MAP2K5: variants seen among roughly 807,000 people sequenced by gnomAD.
MAP2K5 encodes mitogen-activated protein kinase kinase 5.
In MAP2K5, 49 loss-of-function variants were observed where a neutral mutation model predicts 83.1. The observed-to-expected ratio is 0.59, with a 90% CI of 0.47 to 0.75. The LOEUF (loss-of-function observed/expected upper bound fraction) is 0.75. Among genes scored for constraint, MAP2K5 ranks in the 30% least tolerant of loss-of-function variants. The pLI is 0.00. For synonymous variants in MAP2K5, 202 were observed against 191.8 expected, an observed-to-expected ratio of 1.05 and a Z score of -0.44; for missense variants, 457 against 557.5, an observed-to-expected ratio of 0.82 and a Z score of 1.82.
In MAP2K5 at chr15:67,738,885, C is replaced by G. The variant is rs1310846117; in HGVS notation, c.1075-9346C>G. 6.6e-6 allele frequency among the ~76,000 whole-genome samples: 1 copy of G among 152,330 alleles called. No homozygotes were observed. Among genetic ancestry groups the G allele is most frequent in the East Asian group, 1.9e-4 (1 of 5,178 alleles). On this transcript the variant is annotated intron_variant, in intron 17 of 21. Transcript: ENST00000178640. The surrounding 1 kb of genome is among the most constrained non-coding windows in gnomAD (Gnocchi z 4.1). ...CCTGTCCACACCTTCAGCCCTCTTG[C>G]TCATCACCATCTCCCTCCGATTACT...
rs1275788512 is a variant in MAP2K5, at chr15:67,637,131, G to A, written c.585+6204G>A. On this transcript the variant is annotated intron_variant, in intron 9 of 21. Coordinates refer to ENST00000178640, the MANE Select transcript of MAP2K5 (RefSeq NM_145160.3). This position sits in a 1 kb window ranked among gnomAD's most constrained non-coding sequence, Gnocchi z 4.5. ...TCAGCTACAGACTGAAGGCTGCACT[G>A]TTGGCTTCCCTACTTTTGAGGTTTT... is the stretch of plus-strand genomic sequence containing the variant. Among the ~76,000 whole-genome samples, 1 of 152,132 alleles carries A rather than the reference G, an allele frequency of 6.6e-6. No individual in the cohort carries two copies. The highest frequency in any genetic ancestry group is 6.5e-5 in the Admixed American group (1 of 15,276).
Position 67,543,248 on chromosome 15 carries a change from C to G in MAP2K5, c.-88C>G, listed in dbSNP as rs2084330054. On this transcript the variant is annotated 5_prime_UTR_variant, in exon 1 of 22. Coordinates refer to ENST00000178640, the MANE Select transcript of MAP2K5 (RefSeq NM_145160.3). The surrounding 1 kb of genome is among the most constrained non-coding windows in gnomAD (Gnocchi z 4.3). ...TTTTCACCCTCTGTCCTCTGCCCGT[C>G]ACTCCCCTTGTCACCTCTTGGAGCC... 7.3e-7 allele frequency: 1 copy of G among 1,375,200 alleles called. No individual in the cohort carries two copies. The highest frequency in any genetic ancestry group is 1.0e-6 in the Non-Finnish European group (1 of 971,776). 85.2% of individuals were successfully genotyped at this position (1,375,200 alleles called of 1,614,324 possible).
Position 67,806,673 on chromosome 15 carries a change from G to A in MAP2K5, c.1270G>A (p.Asp424Asn), listed in dbSNP as rs374645558. Residue 424 changes from aspartate (D) to asparagine (N), a missense_variant, in exon 22 of 22, where the codon GAT (aspartate) becomes AAT (asparagine). Around this residue, in one of 3 missense-constraint regions of MAP2K5, gnomAD observed 55 missense variants for 50.9 expected, o/e 1.08. Transcript: ENST00000178640. ...MGHPFIVQFN[D>N]GNAAVVSMWV... ...CCACCCGTTCATCGTGCAGTTCAAT[G>A]ATGGAAATGCCGCCGTGGTGTCCAT... 7.1e-6 allele frequency: 11 copies of A among 1,551,342 alleles called. No homozygotes were observed. The highest frequency in any genetic ancestry group is 9.6e-6 in the Non-Finnish European group (11 of 1,147,202).
chr15:67,570,310 A>T (rs569568945), intron 3 of MAP2K5, among the ~76,000 whole-genome samples: 3 of 152,316 alleles, frequency 2.0e-5, no homozygotes, highest in African/African-American at 7.2e-5. Flanking sequence ...GTCCAATAAC[A>T]TGAGCCTATA....
rs889701850 is a variant in MAP2K5, at chr15:67,802,979, C to G, written c.1243-3667C>G. On this transcript the variant is annotated intron_variant, in intron 21 of 21. Transcript: ENST00000178640. This position sits in a 1 kb window ranked among gnomAD's most constrained non-coding sequence, Gnocchi z 5.0. ...GAGCAAGGCGTTTGGAGTCGGAGAC[C>G]CATGTTCTGGTTCTAGCCCAACTGC... Among the ~76,000 whole-genome samples, 1 of 152,188 alleles carries G rather than the reference C, an allele frequency of 6.6e-6. No individual in the cohort carries two copies. Among genetic ancestry groups the G allele is most frequent in the Non-Finnish European group, 1.5e-5 (1 of 68,030 alleles).
At position 67,794,542 on chromosome 15, in the gene MAP2K5, G is replaced by A. The variant is rs1049706554; in HGVS notation, c.1243-12104G>A. Among the ~76,000 whole-genome samples the A allele has an allele frequency of 1.3e-5, 2 of 148,906 alleles. No homozygotes were observed. The highest frequency in any genetic ancestry group is 3.0e-5 in the Non-Finnish European group (2 of 67,724). ...GTCTGATGACTTTGACCTTTGTTAC[G>A]CTCTTCTTCCAAATTTTCCCCAGCC... On this transcript the variant is annotated intron_variant, in intron 21 of 21. Coordinates refer to ENST00000178640, the MANE Select transcript of MAP2K5 (RefSeq NM_145160.3). This position sits in a 1 kb window ranked among gnomAD's most constrained non-coding sequence, Gnocchi z 4.6.
chr15:67,591,236 T>C (rs2085402014), intron 6 of MAP2K5, among the ~76,000 whole-genome samples: 1 of 151,496 alleles, frequency 6.6e-6, no homozygotes, highest in Non-Finnish European at 1.5e-5. Context: ...TCCCAGCTAC[T>C]TGGGAGACTG....
In MAP2K5 at chr15:67,547,107, C is replaced by CACACACACACACAG. The variant is rs3223318; in HGVS notation, c.136-2926_136-2925insCACACACACACAGA. Reference sequence around the variant, plus strand: ...ACACACACACACACACACACACACACAGATTTCTGTCTAAACTGAGTCTGT... The same window carrying CACACACACACACAG: ...ACACACACACACACACACACACACACACACACACACACAGAGATTTCTGTCTAAACTGAGTCTGT... On this transcript the variant is annotated intron_variant, in intron 1 of 21. Transcript: ENST00000178640. Among the ~76,000 whole-genome samples the CACACACACACACAG allele has an allele frequency of 6.1e-3, 892 of 145,878 alleles. 8 individuals are homozygous for CACACACACACACAG. Among genetic ancestry groups the CACACACACACACAG allele is most frequent in the Non-Finnish European group, 8.8e-3 (591 of 67,172 alleles).
intron 13 of MAP2K5, chr15:67,670,450 G>A: frequency 2.2e-6 from 1 of 455,792 alleles, no homozygotes; most frequent in South Asian, 1.6e-5. Context: ...TGAAAAGGGT[G>A]AGTGAATTTT....
intron 3 of MAP2K5, 33 bp from the exon 4 acceptor site, chr15:67,580,721 A>ATAAT: frequency 1.5e-6 from 2 of 1,330,668 alleles, no homozygotes; most frequent in Non-Finnish European, 2.2e-6. Context: ...TTCATACATT[A>ATAAT]CTGAGTGATC....
At position 67,724,767 on chromosome 15, in the gene MAP2K5, G is replaced by A. The variant is rs1046747402; in HGVS notation, c.1045-3149G>A. On this transcript the variant is annotated intron_variant, in intron 16 of 21. Transcript: ENST00000178640. This position sits in a 1 kb window ranked among gnomAD's most constrained non-coding sequence, Gnocchi z 4.4. ...GATAGAGGCATACATAGAAGGCAGC[G>A]GTCCTCTCCTGGGGCCTTAAAATGA... Among the ~76,000 whole-genome samples, 3 of 152,184 alleles carry A rather than the reference G, an allele frequency of 2.0e-5. No individual in the cohort carries two copies. Among genetic ancestry groups the A allele is most frequent in the Non-Finnish European group, 2.9e-5 (2 of 68,032 alleles).
chr15:67,786,014 GGTT>G lies in MAP2K5; in HGVS notation c.1242+13266_1242+13268del, dbSNP rs1764641826. Among the ~76,000 whole-genome samples the G allele has an allele frequency of 9.2e-6, 1 of 108,240 alleles. No individual in the cohort carries two copies. Among genetic ancestry groups the G allele is most frequent in the African/African-American group, 3.6e-5 (1 of 27,462 alleles). 71.0% of individuals were successfully genotyped at this position (108,240 alleles called of 152,430 possible). A position where few individuals can be genotyped will look rare whatever the true frequency, so the allele number is the denominator to read the frequency against. ...CTTCACAGGGGGCTTTTAGCTGTTA[GGTT>G]GTTTTTTTTTTTTTAACTTACAGAA... On this transcript the variant is annotated intron_variant, in intron 21 of 21. Coordinates refer to ENST00000178640, the MANE Select transcript of MAP2K5 (RefSeq NM_145160.3). The surrounding 1 kb of genome is among the most constrained non-coding windows in gnomAD (Gnocchi z 4.7).
chr15:67,648,800 C>T (rs2086892168), intron 11 of MAP2K5, among the ~76,000 whole-genome samples: 1 of 152,006 alleles, frequency 6.6e-6, no homozygotes, highest in Non-Finnish European at 1.5e-5. Context: ...AGGATGGTCT[C>T]GATCTCCTGA....
intron 14 of MAP2K5, among the ~76,000 whole-genome samples, chr15:67,693,095 G>T (rs957467817): frequency 3.3e-5 from 5 of 152,214 alleles, no homozygotes; most frequent in African/African-American, 1.2e-4. Context: ...GTTGTATTAT[G>T]AGTTGTCAAA....
At chr15:67,618,323 C>T (rs1303657133) in intron 8 of MAP2K5, among the ~76,000 whole-genome samples, 2 of 152,122 alleles carry the variant, frequency 1.3e-5, no homozygotes, top group Admixed American at 1.3e-4. Context: ...CTGTTTGTAC[C>T]TTCTCGTCTC....
intron 11 of MAP2K5, among the ~76,000 whole-genome samples, chr15:67,654,570 T>C (rs2087024251): frequency 6.6e-6 from 1 of 152,208 alleles, no homozygotes; most frequent in Non-Finnish European, 1.5e-5. Flanking sequence ...CTATTTGTTT[T>C]CTATAAGTCA....
intron 8 of MAP2K5, among the ~76,000 whole-genome samples, chr15:67,604,644 C>T (rs2085738835): frequency 6.6e-6 from 1 of 151,998 alleles, no homozygotes; most frequent in African/African-American, 2.4e-5. Flanking sequence ...CGTCTGTAAT[C>T]CCAGCACTTT....
rs2087340417 is a variant in MAP2K5, at chr15:67,665,049, T to G, written c.847+404T>G. Among the ~76,000 whole-genome samples, 1 of 152,198 alleles carries G rather than the reference T, an allele frequency of 6.6e-6. No individual in the cohort carries two copies. Among genetic ancestry groups the G allele is most frequent in the South Asian group, 2.1e-4 (1 of 4,836 alleles). ...CTTCACATACTGGAAAGAAAAACTT[T>G]ATTTTTAATTTTTTTAAAGATGGGG... On this transcript the variant is annotated intron_variant, in intron 13 of 21. Transcript: ENST00000178640. This position sits in a 1 kb window ranked among gnomAD's most constrained non-coding sequence, Gnocchi z 4.2.
At chr15:67,579,052 G>A (rs1218542956) in intron 3 of MAP2K5, among the ~76,000 whole-genome samples, 1 of 152,156 alleles carries the variant, frequency 6.6e-6, no homozygotes, top group African/African-American at 2.4e-5. Flanking sequence ...AACTATAGGA[G>A]AACACCACCA....
Sources: allele counts gnomAD v4.1 joint callset (sites outside exome capture counted in the v4.1 genomes callset), GRCh38; gene constraint gnomAD v4.1.1; regional missense constraint gnomAD v4.1.1; non-coding constraint Gnocchi (gnomAD v3.1); transcripts MANE v1.5; gene names NCBI Gene and HGNC (gene_info 2026-07-23, HGNC 2026-07-21).